Variants in MRTFB observed in about 807,000 individuals in gnomAD.
The protein encoded by MRTFB is myocardin-related transcription factor B.
MRTFB carries 29 observed loss-of-function variants against 104.2 expected under a neutral mutation model. That is an observed-to-expected ratio of 0.28 (90% CI 0.21 to 0.38). The LOEUF is 0.38. MRTFB is among the 10% of genes least tolerant of loss of function. MRTFB has a pLI of 1.00. For missense variants in MRTFB, 1,270 were observed against 1,341.6 expected (o/e 0.95, Z 0.83); for synonymous variants, 535 against 519.5 (o/e 1.03, Z -0.41).
At position 14,180,472 on chromosome 16, in the gene MRTFB, AT is replaced by A. The variant is rs1199740881; in HGVS notation, c.155-29770del. Among the ~76,000 whole-genome samples, 27 of 152,366 alleles carry A rather than the reference AT, an allele frequency of 1.8e-4. No individual in the cohort carries two copies. The East Asian group carries it at 5.2e-3, about 29-fold the overall frequency. ...GCTTAGAAATGGAGACAGGACTTGA[AT>A]GACTTTTTCTAAGTTGATGAAAGTG... On this transcript the variant is annotated intron_variant, in intron 3 of 16. Transcript: ENST00000571589.
Position 14,229,600 on chromosome 16 carries a change from G to T in MRTFB, c.694-4546G>T, listed in dbSNP as rs2042166850. On this transcript the variant is annotated intron_variant, in intron 8 of 16. Coordinates refer to ENST00000571589, the MANE Select transcript of MRTFB (RefSeq NM_001308142.2). ...TCCTGTGTACCATATTCTGCAGCAG[G>T]AACAGTGCAGACATCTGAAACAGGA... Among the ~76,000 whole-genome samples, 3 of 152,324 alleles carry T rather than the reference G, an allele frequency of 2.0e-5. No homozygotes were observed. In the South Asian group the frequency reaches 6.2e-4, roughly 32 times the overall value.
intron 3 of MRTFB, among the ~76,000 whole-genome samples, chr16:14,153,901 A>C (rs915423659): frequency 6.6e-6 from 1 of 152,182 alleles, no homozygotes; most frequent in Non-Finnish European, 1.5e-5. Flanking sequence ...GAAAACTCCA[A>C]CCACCAACAT....
At chr16:14,102,891 C>G (rs888229813) in intron 2 of MRTFB, among the ~76,000 whole-genome samples, 3 of 152,118 alleles carry the variant, frequency 2.0e-5, no homozygotes, top group African/African-American at 7.2e-5. Context: ...CATGCTGTTG[C>G]ATTAGCTTTA....
At chr16:14,029,419 AATAT>A in the MRTFB span, among the ~76,000 whole-genome samples, 56 of 88,900 alleles carry the variant, frequency 6.3e-4, no homozygotes, top group South Asian at 1.9e-3. Flanking sequence ...AAAAAAAAAA[AATAT>A]ATATATATAT....
At chr16:14,069,141 TG>T (rs1029451632), upstream of MRTFB, among the ~76,000 whole-genome samples, 1 of 152,054 alleles carries the variant, frequency 6.6e-6, no homozygotes, top group African/African-American at 2.4e-5. Flanking sequence ...GGCTAATTTT[TG>T]TATTTGTAGT....
chr16:14,163,086 C>A (rs1055523698), intron 3 of MRTFB, among the ~76,000 whole-genome samples: 1 of 152,142 alleles, frequency 6.6e-6, no homozygotes, highest in Non-Finnish European at 1.5e-5. Flanking sequence ...ACACCACCAA[C>A]AATATTACTA....
intron 4 of MRTFB, among the ~76,000 whole-genome samples, chr16:14,211,887 G>T (rs2041204264): frequency 6.6e-6 from 1 of 152,152 alleles, no homozygotes; most frequent in Non-Finnish European, 1.5e-5. Flanking sequence ...CAGCAACATA[G>T]CCATGGTTAA....
At chr16:14,039,714 G>A in the MRTFB span, among the ~76,000 whole-genome samples, 1 of 146,816 alleles carries the variant, frequency 6.8e-6, no homozygotes, top group Non-Finnish European at 1.5e-5. Flanking sequence ...GATATGCTAT[G>A]TCTATTATCT....
intron 13 of MRTFB, among the ~76,000 whole-genome samples, chr16:14,249,919 T>C (rs538864228): frequency 6.6e-6 from 1 of 152,216 alleles, no homozygotes; most frequent in Admixed American, 6.5e-5. Flanking sequence ...ACAGCTGCAG[T>C]CACATGTAAC....
At chr16:14,063,653 G>T in the MRTFB span, among the ~76,000 whole-genome samples, 5 of 152,180 alleles carry the variant, frequency 3.3e-5, no homozygotes, top group Non-Finnish European at 5.9e-5. Context: ...ATGGCATCCA[G>T]CTCCATCCAC....
intron 2 of MRTFB, among the ~76,000 whole-genome samples, chr16:14,099,671 T>C (rs2035592011): frequency 1.1e-5 from 1 of 94,704 alleles, no homozygotes; most frequent in Non-Finnish European, 1.8e-5. Flanking sequence ...TTTTCTTTTC[T>C]TTTTTTTTTT....
chr16:14,079,467 G>A (rs1464868995), intron 2 of MRTFB, 113 bp downstream of exon 2: 3 of 306,266 alleles, frequency 9.8e-6, no homozygotes, highest in Non-Finnish European at 1.2e-5. Context: ...TTTTAGGAGT[G>A]GTTAAGTTCA....
intron 8 of MRTFB, among the ~76,000 whole-genome samples, chr16:14,223,297 G>A (rs751554054): frequency 2.0e-5 from 3 of 151,876 alleles, no homozygotes; most frequent in Admixed American, 6.6e-5. Flanking sequence ...ATAACAGAGC[G>A]AGACCCTACA....
the MRTFB span, among the ~76,000 whole-genome samples, chr16:14,053,639 C>G: frequency 3.3e-5 from 5 of 149,658 alleles, no homozygotes; most frequent in Middle Eastern, 3.2e-3. Context: ...GCTGAGGCAG[C>G]AGAATCACTT....
rs1227201040 is a variant in MRTFB, at chr16:14,217,278, G to A, written c.505G>A (p.Ala169Thr). 6.3e-7 allele frequency: 1 copy of A among 1,596,986 alleles called. No homozygotes were observed. Among genetic ancestry groups the A allele is most frequent in the East Asian group, 2.2e-5 (1 of 44,752 alleles). The change falls in exon 7 of 17, where the codon GCA becomes ACA. Residue 169 changes from alanine (A) to threonine (T), a missense_variant. By Grantham distance (58) the Ala-to-Thr change is moderately conservative. Transcript: ENST00000571589. ...ILPVDSSVKE[A>T]IIGVGKEDYP... ...TCCTGTGGACTCCAGTGTTAAAGAA[G>A]CAATTATAGGCAAGACTCTAAAAAT...
chr16:14,068,847 C>A (rs1216958465), upstream of MRTFB, among the ~76,000 whole-genome samples: 1 of 151,956 alleles, frequency 6.6e-6, no homozygotes, highest in Non-Finnish European at 1.5e-5. Context: ...GCCTTCATCG[C>A]CATCAGTTGA....
At chr16:14,085,293 T>C (rs2034630251) in intron 2 of MRTFB, among the ~76,000 whole-genome samples, 1 of 151,740 alleles carries the variant, frequency 6.6e-6, no homozygotes, top group African/African-American at 2.4e-5. Context: ...CTGTCTCTAC[T>C]AAAAATACAA....
intron 3 of MRTFB, chr16:14,200,227 A>T (rs1474386130): frequency 3.2e-6 from 4 of 1,258,014 alleles, no homozygotes; most frequent in Non-Finnish European, 4.4e-6. Flanking sequence ...CTGGTAGCTT[A>T]AGTATATGAA....
At position 14,252,397 on chromosome 16, in the gene MRTFB, C is replaced by A. The variant is rs781580712; in HGVS notation, c.2598C>A (p.Val866=). 3.7e-6 allele frequency: 6 copies of A among 1,613,334 alleles called. No individual in the cohort carries two copies. The highest frequency in any genetic ancestry group is 1.3e-5 in the African/African-American group (1 of 74,776). ...CACCCCCGCCACCCCAGCAATTTGT[C>A]GTCCAGCACTCTCTATTTGGGAGTC... ...PSSPPPPQQF[V]VQHSLFGSPV... is the part of the protein sequence containing the mutation. Residue 866 remains valine (V), a synonymous_variant, in exon 15 of 17, where the codon GTC becomes GTA. Coordinates refer to ENST00000571589, the MANE Select transcript of MRTFB (RefSeq NM_001308142.2).
Sources: gnomAD v4.1 joint callset for allele counts (sites outside exome capture counted in the v4.1 genomes callset) on GRCh38, gnomAD v4.1.1 for gene constraint, MANE v1.5 for transcripts, NCBI Gene and HGNC (gene_info 2026-07-23, HGNC 2026-07-21) for gene names.